The following FUOM variants were observed in gnomAD, a reference collection of about 807,000 sequenced individuals.
FUOM encodes protein fucU homolog.
FUOM carries 19 observed loss-of-function variants against 18.3 expected under a neutral mutation model. That is an observed-to-expected ratio of 1.04 (90% confidence interval 0.73 to 1.53). The LOEUF (loss-of-function observed/expected upper bound fraction) is 1.53. FUOM is among the 40% of genes most tolerant of loss of function. The pLI is 0.00. For missense variants in FUOM, 210 were observed against 200.9 expected, an observed-to-expected ratio of 1.04 and a Z score of -0.27; for synonymous variants, 102 against 87.9, an observed-to-expected ratio of 1.16 and a Z score of -0.90.
At chr10:133,353,979 T>A (rs1196540766), downstream of FUOM, among the ~76,000 whole-genome samples, 1 of 148,212 alleles carries the variant, frequency 6.7e-6, no homozygotes, top group Non-Finnish European at 1.5e-5. Context: ...TTTTTTTTTT[T>A]AAAGCTATCT....
Position 133,355,371 on chromosome 10 carries a change from TACA to T in FUOM, c.461_463del (p.Leu154_Ter155delinsGln). On this transcript the variant is annotated stop_lost and inframe_deletion, in exon 6 of 6. Transcript: ENST00000278025. ...CGGCCCAGGTGGTCTTCACCAGGCC[TACA>T]GCAGGGGGTTGAGGGCAAGCACCCC... is the stretch of plus-strand genomic sequence containing the variant. The T allele has an allele frequency of 6.2e-7, 1 of 1,603,614 alleles. No homozygotes were observed. The highest frequency in any genetic ancestry group is 8.5e-7 in the Non-Finnish European group (1 of 1,177,596).
chr10:133,355,927 T>C, intron 4 of FUOM, 116 bp from the exon 5 acceptor site: 1 of 878,744 alleles, frequency 1.1e-6, no homozygotes, highest in Non-Finnish European at 1.9e-6. Flanking sequence ...GTTCCATTTC[T>C]TGGGCTCTCC....
chr10:133,357,295 CT>C, intron 1 of FUOM, 40 bp from the exon 2 acceptor site: 2 of 1,548,808 alleles, frequency 1.3e-6, no homozygotes, highest in East Asian at 4.9e-5. Flanking sequence ...GCACCTATCC[CT>C]GCCCTCGGGG....
chr10:133,353,035 A>G (rs1418803036), downstream of FUOM, among the ~76,000 whole-genome samples: 2 of 152,120 alleles, frequency 1.3e-5, no homozygotes, highest in African/African-American at 4.8e-5. Context: ...CAGTTAGGGG[A>G]TGGGACCAGA....
downstream of FUOM, among the ~76,000 whole-genome samples, chr10:133,354,348 C>G (rs1848729629): frequency 6.6e-6 from 1 of 152,190 alleles, no homozygotes; most frequent in Non-Finnish European, 1.5e-5. Flanking sequence ...GTCCCTTCCC[C>G]AGATTTGGAG....
In FUOM at chr10:133,355,455, C is replaced by T. The variant is rs1418134400; in HGVS notation, c.399-19G>A. 2 of 1,609,658 alleles carry T rather than the reference C, an allele frequency of 1.2e-6. No homozygotes were observed. The highest frequency in any genetic ancestry group is 8.5e-7 in the Non-Finnish European group (1 of 1,178,618). ...CGTCTCCCTGCAGAGGAGCCAAGCCCAGCACTGAGCTGGGCTGCAGGGCCA... is the reference window on the plus strand; with the variant it reads ...CGTCTCCCTGCAGAGGAGCCAAGCCTAGCACTGAGCTGGGCTGCAGGGCCA... On this transcript the variant is annotated intron_variant, in intron 5 of 5. Transcript: ENST00000278025.
chr10:133,353,525 C>T (rs988160109), downstream of FUOM, among the ~76,000 whole-genome samples: 9 of 152,236 alleles, frequency 5.9e-5, no homozygotes, highest in East Asian at 1.7e-3. Flanking sequence ...CCACCCGTCC[C>T]TCATCCTGCC....
chr10:133,357,154 C>T (rs1848832050), intron 2 of FUOM, 33 bp downstream of exon 2: 2 of 1,551,802 alleles, frequency 1.3e-6, no homozygotes, highest in South Asian at 1.2e-5. Flanking sequence ...CTCACCCGCC[C>T]GCCCTGCCCT....
downstream of FUOM, among the ~76,000 whole-genome samples, chr10:133,353,838 A>C (rs955592317): frequency 1.4e-4 from 22 of 152,018 alleles, no homozygotes; most frequent in African/African-American, 5.3e-4. Context: ...TTGAGGGATC[A>C]ACACGCTCAG....
At chr10:133,355,027 C>T (rs373092966), downstream of FUOM, 6 of 327,386 alleles carry the variant, frequency 1.8e-5, no homozygotes, top group East Asian at 6.1e-5. Context: ...CCAGGCACCC[C>T]GCCCAGTCCC....
At chr10:133,353,776 T>C (rs58475177), downstream of FUOM, among the ~76,000 whole-genome samples, 12,738 of 152,098 alleles carry the variant, frequency 0.084, 1,307 homozygotes, top group African/African-American at 0.24. Flanking sequence ...TGCCAGCTTC[T>C]CCCTTGGCAG....
chr10:133,357,134 A>G (rs923484653), intron 2 of FUOM, 53 bp downstream of exon 2: 2 of 1,545,440 alleles, frequency 1.3e-6, no homozygotes, highest in Non-Finnish European at 1.7e-6. Flanking sequence ...CCTCAGAGCC[A>G]GGAGCACCGC....
chr10:133,356,221 G>A (rs371793492), intron 4 of FUOM, among the ~76,000 whole-genome samples: 2 of 152,214 alleles, frequency 1.3e-5, no homozygotes, highest in East Asian at 1.9e-4. Flanking sequence ...TGTGGAGAGG[G>A]CTGAGTGAGA....
intron 2 of FUOM, 85 bp downstream of exon 2, chr10:133,357,102 G>A (rs1340685075): frequency 9.1e-6 from 14 of 1,538,878 alleles, no homozygotes; most frequent in Non-Finnish European, 1.1e-5. Flanking sequence ...TGGACTTGGG[G>A]CCACGGCAGG....
chr10:133,355,859 T>TCCC, intron 4 of FUOM, 48 bp from the exon 5 acceptor site: 1 of 1,505,556 alleles, frequency 6.6e-7, no homozygotes, highest in Non-Finnish European at 9.2e-7. Context: ...CAAGAAACCC[T>TCCC]CATGGGCCAG....
chr10:133,353,408 G>T (rs569621736), downstream of FUOM, among the ~76,000 whole-genome samples: 1 of 152,332 alleles, frequency 6.6e-6, no homozygotes, highest in Admixed American at 6.5e-5. Flanking sequence ...CTGCGTGGCA[G>T]TCTCATCCCT....
At chr10:133,355,708 T>C (rs917523932) in intron 5 of FUOM, 30 bp downstream of exon 5, 1 of 1,608,820 alleles carries the variant, frequency 6.2e-7, no homozygotes, top group Non-Finnish European at 8.5e-7. Flanking sequence ...CCAGTGGGGA[T>C]GGGGCAGGTC....
In FUOM at chr10:133,355,205, G is replaced by T. The variant is rs1848746321; in HGVS notation, c.*165C>A. The T allele has an allele frequency of 1.5e-6, 1 of 666,150 alleles. No homozygotes were observed. Among genetic ancestry groups the T allele is most frequent in the Non-Finnish European group, 2.5e-6 (1 of 397,312 alleles). 41.3% of individuals were successfully genotyped at this position (666,150 alleles called of 1,614,324 possible). ...TTTTCCATCATTTTCACAAATCAGG[G>T]ATACTCGTCCCAATTGGCAGGGCCC... On this transcript the variant is annotated 3_prime_UTR_variant, in exon 6 of 6. Coordinates refer to ENST00000278025, the MANE Select transcript of FUOM (RefSeq NM_001098483.3).
At chr10:133,355,487 C>G in intron 5 of FUOM, 51 bp from the exon 6 acceptor site, 1 of 1,606,384 alleles carries the variant, frequency 6.2e-7, no homozygotes, top group Non-Finnish European at 8.5e-7. Context: ...GCCAGGGTGC[C>G]GAGACCCTGC....
Sources: allele counts gnomAD v4.1 joint callset (sites outside exome capture counted in the v4.1 genomes callset), GRCh38; gene constraint gnomAD v4.1.1; transcripts MANE v1.5; gene names NCBI Gene and HGNC (gene_info 2026-07-23, HGNC 2026-07-21).